ATAD2B: variants seen among roughly 807,000 people sequenced by gnomAD.
The protein encoded by ATAD2B is ATPase family AAA domain-containing protein 2B.
A neutral mutation model predicts 167.6 loss-of-function variants in ATAD2B; 40 were observed. The ratio of observed to expected loss-of-function variants is 0.24; its 90% CI spans 0.19 to 0.31. ATAD2B has a LOEUF of 0.31. Ranked by LOEUF, ATAD2B falls within the 10% of genes least tolerant of loss-of-function variation. The probability of loss-of-function intolerance (pLI) is 1.00; values close to 1 mark genes in which losing one functional copy is unlikely to be tolerated. For synonymous variants in ATAD2B, 579 were observed against 596.5 expected (o/e 0.97, Z 0.43); for missense variants, 1,242 against 1,757.2 (o/e 0.71, Z 5.24).
At chr2:23,769,612 T>G (rs1357676412) in intron 22 of ATAD2B, among the ~76,000 whole-genome samples, 1 of 152,044 alleles carries the variant, frequency 6.6e-6, no homozygotes, top group Non-Finnish European at 1.5e-5. Context: ...CCTACCACAG[T>G]GCATCATAGT....
chr2:23,885,742 C>G lies in ATAD2B; in HGVS notation c.660G>C (p.Trp220Cys). ...ATATACTCACAAATTCTGTATCTGT[C>G]CACATTCGAAGTCGTTCTACTTCTC... ...RSGEVERLRM[W>C]TDTEFENMDM... Residue 220 changes from tryptophan to cysteine, a missense_variant, in exon 5 of 28, where the codon TGG becomes TGC. Coordinates refer to ENST00000238789, the MANE Select transcript of ATAD2B (RefSeq NM_017552.4). The G allele has an allele frequency of 6.3e-7, 1 of 1,588,448 alleles. No homozygotes were observed. The highest frequency in any genetic ancestry group is 8.6e-7 in the Non-Finnish European group (1 of 1,163,398).
At chr2:23,799,712 A>T (rs183236219) in intron 18 of ATAD2B, 3 of 151,890 alleles carry the variant, frequency 2.0e-5, no homozygotes, top group Admixed American at 2.0e-4. Flanking sequence ...AGTGTATTTT[A>T]TACAGCTTTC....
chr2:23,703,071 C>A, the ATAD2B span: 1 of 689,732 alleles, frequency 1.4e-6, no homozygotes, highest in Non-Finnish European at 2.2e-6. Flanking sequence ...TGATCTCAGG[C>A]TATGCTGGCC....
At chr2:23,789,141 A>G (rs138217944) in intron 19 of ATAD2B, among the ~76,000 whole-genome samples, 2 of 152,080 alleles carry the variant, frequency 1.3e-5, no homozygotes, top group African/African-American at 4.8e-5. Context: ...ACTGCAAAGA[A>G]ACTATACCTC....
At chr2:23,766,786 G>A (rs1015893649) in intron 22 of ATAD2B, among the ~76,000 whole-genome samples, 1 of 152,070 alleles carries the variant, frequency 6.6e-6, no homozygotes, top group African/African-American at 2.4e-5. Context: ...AAACAGCTAT[G>A]AAGAAAACCT....
At chr2:23,908,520 C>T (rs1479287656) in intron 1 of ATAD2B, among the ~76,000 whole-genome samples, 2 of 152,068 alleles carry the variant, frequency 1.3e-5, no homozygotes, top group East Asian at 1.9e-4. Context: ...GAAATAGGAA[C>T]ACTTTTACAC....
Position 23,762,156 on chromosome 2 carries a change from T to C in ATAD2B, c.3394+53A>G, listed in dbSNP as rs753642837. The C allele has an allele frequency of 2.6e-4, 404 of 1,576,366 alleles. 1 individual carries two copies. The highest frequency in any genetic ancestry group is 5.0e-4 in the Middle Eastern group (3 of 5,952). ...TTTTGTACCCAATTCCTAACATATC[T>C]ACATCATTCTCAGTTGTTCTCACTA... On this transcript the variant is annotated intron_variant, in intron 24 of 27. Transcript: ENST00000238789.
intron 6 of ATAD2B, among the ~76,000 whole-genome samples, 160 bp downstream of exon 6, chr2:23,884,605 C>CA (rs1698421640): frequency 1.3e-5 from 2 of 152,130 alleles, no homozygotes; most frequent in African/African-American, 4.8e-5. Flanking sequence ...AAATGAAACT[C>CA]AGATTGCCAA....
intron 18 of ATAD2B, among the ~76,000 whole-genome samples, chr2:23,807,957 ATAAT>A (rs1300453071): frequency 8.3e-6 from 1 of 119,892 alleles, no homozygotes; most frequent in African/African-American, 3.2e-5. Context: ...ATAAATATTT[ATAAT>A]ATATATATTA....
intron 1 of ATAD2B, among the ~76,000 whole-genome samples, chr2:23,912,326 A>T (rs1702430089): frequency 6.6e-6 from 1 of 152,020 alleles, no homozygotes; most frequent in South Asian, 2.1e-4. Context: ...GGGAGATAAC[A>T]AGACCCTTTC....
chr2:23,892,847 G>T (rs1376503332), intron 2 of ATAD2B, among the ~76,000 whole-genome samples: 1 of 152,056 alleles, frequency 6.6e-6, no homozygotes, highest in Non-Finnish European at 1.5e-5. Flanking sequence ...TATATATCAG[G>T]TTAAATAAAT....
intron 18 of ATAD2B, among the ~76,000 whole-genome samples, chr2:23,806,508 C>T (rs960544606): frequency 5.9e-5 from 9 of 152,162 alleles, no homozygotes; most frequent in Non-Finnish European, 1.3e-4. Flanking sequence ...GTAGGGCGCC[C>T]TAATGACACT....
At chr2:23,862,503 G>A (rs78602816) in intron 12 of ATAD2B, among the ~76,000 whole-genome samples, 3,339 of 145,910 alleles carry the variant, frequency 0.023, 135 homozygotes, top group African/African-American at 0.079. Flanking sequence ...CTTGAACTCC[G>A]GGGCTCATGC....
chr2:23,809,308 C>T (rs1685172039), intron 18 of ATAD2B: 1 of 151,980 alleles, frequency 6.6e-6, no homozygotes, highest in African/African-American at 2.4e-5. Context: ...GGAAAGAAAC[C>T]TTTAAATAGG....
chr2:23,708,273 C>A, the ATAD2B span: 1 of 152,134 alleles, frequency 6.6e-6, no homozygotes, highest in Non-Finnish European at 1.5e-5. Flanking sequence ...AAGTAATAAG[C>A]ACAAAACTAC....
chr2:23,740,568 A>G, the ATAD2B span, among the ~76,000 whole-genome samples: 311 of 152,202 alleles, frequency 2.0e-3, 1 homozygote, highest in African/African-American at 7.0e-3. Flanking sequence ...AATAAGAGCT[A>G]TCTATGACAA....
chr2:23,806,484 C>T (rs565171594), intron 18 of ATAD2B, among the ~76,000 whole-genome samples: 10 of 152,280 alleles, frequency 6.6e-5, no homozygotes, highest in African/African-American at 2.4e-4. Flanking sequence ...CTCTATTACA[C>T]CCTTACAATT....
At chr2:23,779,607 C>T (rs1189614896) in intron 22 of ATAD2B, among the ~76,000 whole-genome samples, 1 of 151,960 alleles carries the variant, frequency 6.6e-6, no homozygotes, top group African/African-American at 2.4e-5. Flanking sequence ...AATTAAGAAT[C>T]AACATAAAAT....
At chr2:23,734,957 TC>T in the ATAD2B span, among the ~76,000 whole-genome samples, 3 of 152,228 alleles carry the variant, frequency 2.0e-5, no homozygotes, top group Non-Finnish European at 4.4e-5. Context: ...AACTTCAGTG[TC>T]TATCATACTT....
Sources: gnomAD v4.1 joint callset for allele counts (sites outside exome capture counted in the v4.1 genomes callset) on GRCh38, gnomAD v4.1.1 for gene constraint, MANE v1.5 for transcripts, NCBI Gene and HGNC (gene_info 2026-07-23, HGNC 2026-07-21) for gene names.